Variants in ENTPD1 observed in about 807,000 individuals in gnomAD.
The protein encoded by ENTPD1 is ectonucleoside triphosphate diphosphohydrolase 1, also known as ATP diphosphohydrolase.
ENTPD1 carries 33 observed loss-of-function variants against 57.0 expected under a neutral mutation model. The ratio of observed to expected loss-of-function variants is 0.58; its 90% CI spans 0.44 to 0.77. ENTPD1 has a LOEUF of 0.77. Among genes scored for constraint, ENTPD1 ranks in the 30% least tolerant of loss-of-function variants. ENTPD1 has a pLI of 0.00. For synonymous variants in ENTPD1, 202 were observed against 218.8 expected (o/e 0.92, Z 0.68); for missense variants, 501 against 603.4 (o/e 0.83, Z 1.78).
intron 1 of ENTPD1, among the ~76,000 whole-genome samples, chr10:95,766,955 A>G (rs927090127): frequency 1.3e-5 from 2 of 151,558 alleles, no homozygotes; most frequent in Non-Finnish European, 1.5e-5. Context: ...TCATAGCTCA[A>G]TGTAACCTTG....
intron 1 of ENTPD1, among the ~76,000 whole-genome samples, chr10:95,762,536 C>T (rs2098069769): frequency 6.6e-6 from 1 of 152,088 alleles, no homozygotes; most frequent in South Asian, 2.1e-4. Context: ...AGCAGTGAAG[C>T]ACATGTATTT....
At chr10:95,731,413 C>T (rs1216815441) in intron 1 of ENTPD1, among the ~76,000 whole-genome samples, 1 of 152,160 alleles carries the variant, frequency 6.6e-6, no homozygotes, top group Non-Finnish European at 1.5e-5. Flanking sequence ...CCTCTGGGCC[C>T]CCTACCCATG....
At chr10:95,802,688 A>G (rs748019505) in intron 1 of ENTPD1, among the ~76,000 whole-genome samples, 1 of 152,086 alleles carries the variant, frequency 6.6e-6, no homozygotes, top group Admixed American at 6.6e-5. Flanking sequence ...ATTCCCACCT[A>G]TGAGTGAGAA....
chr10:95,783,960 G>A (rs2098167626), intron 1 of ENTPD1, among the ~76,000 whole-genome samples: 1 of 152,024 alleles, frequency 6.6e-6, no homozygotes. Flanking sequence ...GAAGAGGTGG[G>A]GGTGAAAGCG....
Position 95,823,298 on chromosome 10 carries a change from C to A in ENTPD1, c.78C>A (p.Ile26=). The A allele has an allele frequency of 6.2e-7, 1 of 1,614,194 alleles. No homozygotes were observed. The highest frequency in any genetic ancestry group is 8.5e-7 in the Non-Finnish European group (1 of 1,180,026). ...TAGCCATCCTTGGCTTCTCCTCTATCATAGCTGTGATAGCTTTGCTTGCTG... is the reference window on the plus strand; with the variant it reads ...TAGCCATCCTTGGCTTCTCCTCTATAATAGCTGTGATAGCTTTGCTTGCTG... ...NILAILGFSS[I]IAVIALLAVG... is the part of the protein sequence containing the mutation. Residue 26 remains isoleucine, a synonymous_variant, in exon 2 of 10, where the codon ATC becomes ATA. Coordinates refer to ENST00000371205, the MANE Select transcript of ENTPD1 (RefSeq NM_001776.6).
the ENTPD1 span, among the ~76,000 whole-genome samples, chr10:95,697,264 C>T: frequency 4.8e-5 from 7 of 144,526 alleles, no homozygotes; most frequent in Non-Finnish European, 7.6e-5. Flanking sequence ...CTTGTGCTTG[C>T]GGTGGATAGC....
chr10:95,869,698 T>G lies in ENTPD1; in HGVS notation c.*3315T>G. 1 of 955,134 alleles carries G rather than the reference T, an allele frequency of 1.0e-6. No individual in the cohort carries two copies. The highest frequency in any genetic ancestry group is 1.2e-6 in the Non-Finnish European group (1 of 802,378). 59.2% of individuals were successfully genotyped at this position (955,134 alleles called of 1,614,324 possible). ...AAAATTTTTTAAAATTACACTTCAT[T>G]TTAATGTTGTATCAGTCAAGGTCCC... On this transcript the variant is annotated 3_prime_UTR_variant, in exon 10 of 10. Transcript: ENST00000371205.
intron 2 of ENTPD1, among the ~76,000 whole-genome samples, chr10:95,838,126 CCTCT>C (rs2098414997): frequency 6.6e-6 from 1 of 152,142 alleles, no homozygotes; most frequent in South Asian, 2.1e-4. Flanking sequence ...CATTTACTTC[CCTCT>C]ATGTTTCTTC....
At chr10:95,847,262 G>A (rs2098437547) in intron 6 of ENTPD1, 184 bp from the exon 7 acceptor site, 2 of 681,976 alleles carry the variant, frequency 2.9e-6, no homozygotes, top group South Asian at 1.7e-5. Context: ...ACCACTTCTG[G>A]TGCCTGTTAC....
intron 1 of ENTPD1, among the ~76,000 whole-genome samples, chr10:95,729,363 A>C (rs1365601171): frequency 2.0e-5 from 3 of 152,168 alleles, no homozygotes; most frequent in Non-Finnish European, 2.9e-5. Flanking sequence ...AGGAGGTTCT[A>C]CTCAAAAACT....
chr10:95,811,674 A>T (rs539784937), intron 1 of ENTPD1, among the ~76,000 whole-genome samples: 16 of 152,280 alleles, frequency 1.1e-4, no homozygotes, highest in Non-Finnish European at 1.8e-4. Context: ...ATGACCCACC[A>T]CGCCTGGCCC....
At chr10:95,826,455 C>A (rs2098376842) in intron 2 of ENTPD1, among the ~76,000 whole-genome samples, 1 of 151,598 alleles carries the variant, frequency 6.6e-6, no homozygotes, top group South Asian at 2.1e-4. Context: ...TACTTGTAAT[C>A]CTAGCTACTC....
At chr10:95,856,218 A>G (rs1049519258) in intron 7 of ENTPD1, among the ~76,000 whole-genome samples, 1 of 152,156 alleles carries the variant, frequency 6.6e-6, no homozygotes, top group Non-Finnish European at 1.5e-5. Context: ...AAGATATACA[A>G]ATGGCCAACA....
At chr10:95,712,035 CTG>C in intron 1 of ENTPD1, 1 of 1,613,202 alleles carries the variant, frequency 6.2e-7, no homozygotes, top group Non-Finnish European at 8.5e-7. Context: ...CTCTCTCCCT[CTG>C]TGGAATCTGG....
intron 1 of ENTPD1, among the ~76,000 whole-genome samples, chr10:95,726,219 A>G (rs2097983493): frequency 6.6e-6 from 1 of 152,076 alleles, no homozygotes; most frequent in Admixed American, 6.5e-5. Context: ...AGATCACTTT[A>G]CCCTCTTCTA....
At chr10:95,820,439 G>A (rs943508134) in intron 1 of ENTPD1, among the ~76,000 whole-genome samples, 5 of 152,124 alleles carry the variant, frequency 3.3e-5, no homozygotes, top group African/African-American at 1.2e-4. Context: ...GGGAAAATGT[G>A]GAAAAGTGTA....
At chr10:95,811,215 A>G (rs2098305538) in intron 1 of ENTPD1, among the ~76,000 whole-genome samples, 1 of 152,222 alleles carries the variant, frequency 6.6e-6, no homozygotes, top group Non-Finnish European at 1.5e-5. Flanking sequence ...GAGACTTTAC[A>G]ATTCTGCCCA....
chr10:95,847,027 G>A (rs1160218152), intron 6 of ENTPD1, among the ~76,000 whole-genome samples: 2 of 152,002 alleles, frequency 1.3e-5, no homozygotes, highest in Admixed American at 1.3e-4. Context: ...GAGAATGCTT[G>A]AAGAAGAAAA....
At chr10:95,747,421 G>A (rs946450583) in intron 1 of ENTPD1, among the ~76,000 whole-genome samples, 1 of 152,174 alleles carries the variant, frequency 6.6e-6, no homozygotes, top group African/African-American at 2.4e-5. Context: ...TAAAACCAGA[G>A]TACCACCTCT....
Sources: allele counts gnomAD v4.1 joint callset (sites outside exome capture counted in the v4.1 genomes callset), GRCh38; gene constraint gnomAD v4.1.1; transcripts MANE v1.5; gene names NCBI Gene and HGNC (gene_info 2026-07-23, HGNC 2026-07-21).